PCCA: variants seen among roughly 807,000 people sequenced by gnomAD.
PCCA encodes propionyl-CoA carboxylase subunit alpha, also known as propionyl-CoA carboxylase alpha chain, mitochondrial.
Under a neutral mutation model 101.3 loss-of-function variants are expected in PCCA, and 74 were observed. The observed-to-expected ratio is 0.73, with a 90% CI of 0.61 to 0.89. The LOEUF (loss-of-function observed/expected upper bound fraction) is 0.89, where lower values mean the gene tolerates loss of function less well. PCCA is among the 40% of genes least tolerant of loss of function. The pLI is 0.00. For missense variants in PCCA, 891 were observed against 907.0 expected (o/e 0.98, Z 0.23); for synonymous variants, 294 against 313.6 (o/e 0.94, Z 0.66).
intron 20 of PCCA, among the ~76,000 whole-genome samples, chr13:100,444,751 T>C (rs1373012161): frequency 6.6e-6 from 1 of 152,052 alleles, no homozygotes; most frequent in African/African-American, 2.4e-5. Flanking sequence ...GTTTTGAACT[T>C]CTGACCTCAA....
intron 21 of PCCA, among the ~76,000 whole-genome samples, chr13:100,475,283 C>T (rs891441200): frequency 2.6e-5 from 4 of 152,106 alleles, no homozygotes; most frequent in Non-Finnish European, 4.4e-5. Context: ...ATTTTCATCA[C>T]CCCAAAAAGA....
chr13:100,398,588 G>A (rs560107852), intron 19 of PCCA, among the ~76,000 whole-genome samples: 3 of 152,252 alleles, frequency 2.0e-5, no homozygotes, highest in South Asian at 2.1e-4. Context: ...CATATTGAAA[G>A]CATTGTTCTG....
At chr13:100,467,165 T>A (rs1309509451) in intron 21 of PCCA, among the ~76,000 whole-genome samples, 5 of 152,100 alleles carry the variant, frequency 3.3e-5, no homozygotes, top group African/African-American at 4.8e-5. Flanking sequence ...CAAACCCAGA[T>A]CTAGTAACAA....
intron 21 of PCCA, among the ~76,000 whole-genome samples, chr13:100,456,553 G>A (rs1003016179): frequency 6.6e-6 from 1 of 152,160 alleles, no homozygotes; most frequent in African/African-American, 2.4e-5. Context: ...TACAAGACCA[G>A]GGGGCAGGGT....
At chr13:100,417,539 G>A (rs1476898834) in intron 19 of PCCA, among the ~76,000 whole-genome samples, 2 of 152,172 alleles carry the variant, frequency 1.3e-5, no homozygotes, top group African/African-American at 4.8e-5. Flanking sequence ...TGTATGTGGG[G>A]AGGCCAGAGT....
intron 21 of PCCA, among the ~76,000 whole-genome samples, chr13:100,504,264 C>T (rs140117880): frequency 1.3e-5 from 2 of 152,280 alleles, no homozygotes; most frequent in African/African-American, 2.4e-5. Context: ...GTCTTAAAGT[C>T]TGGGGAAAGA....
At chr13:100,504,505 A>G (rs2085918102) in intron 21 of PCCA, among the ~76,000 whole-genome samples, 1 of 152,234 alleles carries the variant, frequency 6.6e-6, no homozygotes, top group South Asian at 2.1e-4. Context: ...CCACCCAGAC[A>G]GCCTCCAGTG....
At chr13:100,373,863 G>A (rs1420499616) in intron 19 of PCCA, among the ~76,000 whole-genome samples, 1 of 152,088 alleles carries the variant, frequency 6.6e-6, no homozygotes, top group African/African-American at 2.4e-5. Flanking sequence ...TGTAATCCCA[G>A]CACTTTGGGA....
At chr13:100,191,435 A>T (rs549012817) in intron 6 of PCCA, among the ~76,000 whole-genome samples, 166 of 152,202 alleles carry the variant, frequency 1.1e-3, no homozygotes, top group African/African-American at 3.8e-3. Flanking sequence ...GCAGCTTACT[A>T]CGGGTCACCT....
At chr13:100,091,911 A>C (rs1014870403) in intron 1 of PCCA, among the ~76,000 whole-genome samples, 1 of 151,860 alleles carries the variant, frequency 6.6e-6, no homozygotes, top group African/African-American at 2.4e-5. Context: ...TATGCCTTGC[A>C]TGATTTTTCT....
intron 6 of PCCA, among the ~76,000 whole-genome samples, chr13:100,208,023 G>GA (rs761848484): frequency 7.2e-5 from 11 of 151,822 alleles, no homozygotes; most frequent in Non-Finnish European, 1.5e-4. Flanking sequence ...TCTCAAAAAA[G>GA]AAAAAATCTG....
intron 6 of PCCA, among the ~76,000 whole-genome samples, chr13:100,185,647 C>T (rs1024965639): frequency 4.5e-5 from 6 of 133,944 alleles, no homozygotes; most frequent in East Asian, 2.2e-4. Flanking sequence ...ATTTCTTTTT[C>T]TTTTTTTTTT....
At chr13:100,205,576 G>C (rs1359839055) in intron 6 of PCCA, among the ~76,000 whole-genome samples, 1 of 88,110 alleles carries the variant, frequency 1.1e-5, no homozygotes, top group Non-Finnish European at 2.2e-5. Context: ...ACATTTTTGG[G>C]TGAGTAATTT....
chr13:100,154,091 TG>T (rs1038705268), intron 4 of PCCA, among the ~76,000 whole-genome samples: 1 of 152,220 alleles, frequency 6.6e-6, no homozygotes, highest in African/African-American at 2.4e-5. Context: ...GGTATATGTT[TG>T]TGTTCCAGTT....
intron 6 of PCCA, among the ~76,000 whole-genome samples, chr13:100,181,433 G>C (rs2056769913): frequency 1.3e-5 from 2 of 151,992 alleles, no homozygotes; most frequent in Non-Finnish European, 2.9e-5. Flanking sequence ...TTCTTCTTTG[G>C]AAACAGGGTG....
intron 20 of PCCA, among the ~76,000 whole-genome samples, chr13:100,427,966 A>T (rs1012315615): frequency 2.6e-5 from 4 of 152,244 alleles, no homozygotes; most frequent in African/African-American, 9.6e-5. Flanking sequence ...TGTATGAAGT[A>T]GGTGCTATTT....
chr13:100,260,253 A>G (rs547451927), intron 9 of PCCA, among the ~76,000 whole-genome samples: 1 of 152,292 alleles, frequency 6.6e-6, no homozygotes, highest in South Asian at 2.1e-4. Flanking sequence ...CAACAATGTG[A>G]TGGAGGACTG....
chr13:100,257,432 A>G (rs1196398859), intron 8 of PCCA, among the ~76,000 whole-genome samples, 163 bp from the exon 9 acceptor site: 4 of 152,086 alleles, frequency 2.6e-5, no homozygotes, highest in African/African-American at 9.7e-5. Context: ...ACATCATTAC[A>G]CTGGTGTTAC....
intron 19 of PCCA, among the ~76,000 whole-genome samples, chr13:100,423,091 G>A (rs1339094132): frequency 6.6e-6 from 1 of 151,882 alleles, no homozygotes; most frequent in Non-Finnish European, 1.5e-5. Flanking sequence ...GGCCGGGAGG[G>A]TAGGTGAAGC....
Sources: gnomAD v4.1 joint callset for allele counts (sites outside exome capture counted in the v4.1 genomes callset) on GRCh38, gnomAD v4.1.1 for gene constraint, MANE v1.5 for transcripts, NCBI Gene and HGNC (gene_info 2026-07-23, HGNC 2026-07-21) for gene names.